Variants in MROH2B observed in about 807,000 individuals in gnomAD.
MROH2B encodes maestro heat-like repeat-containing protein family member 2B.
MROH2B carries 177 observed loss-of-function variants against 208.6 expected under a neutral mutation model. The observed-to-expected ratio is 0.85, with a 90% CI of 0.75 to 0.96. MROH2B has a LOEUF of 0.96. MROH2B is among the 40% of genes least tolerant of loss of function. The pLI is 0.00. For missense variants in MROH2B, 2,002 were observed against 1,878.7 expected (o/e 1.07, Z -1.21); for synonymous variants, 728 against 659.0 (o/e 1.10, Z -1.60).
chr5:40,998,764 G>T, intron 40 of MROH2B, 87 bp from the exon 41 acceptor site: 1 of 1,094,926 alleles, frequency 9.1e-7, no homozygotes, highest in South Asian at 1.4e-5. Flanking sequence ...TGCACCTGGT[G>T]AGAAGGTAAA....
At chr5:41,062,305 A>C (rs1050735305) in intron 5 of MROH2B, among the ~76,000 whole-genome samples, 7 of 152,334 alleles carry the variant, frequency 4.6e-5, no homozygotes, top group African/African-American at 1.7e-4. Flanking sequence ...ACATGGATGA[A>C]TCTTACAAAC....
rs894351066 is a variant in MROH2B, at chr5:41,004,185, A to T, written c.4194+161T>A. Reference sequence around the variant, plus strand: ...AGAGCACCCTCAGGCAGAGAGATACAGGAAGCCAACAGCTTGTATAGAGAT... The same window carrying T: ...AGAGCACCCTCAGGCAGAGAGATACTGGAAGCCAACAGCTTGTATAGAGAT... On this transcript the variant is annotated intron_variant, in intron 37 of 41. Transcript: ENST00000399564. 6.6e-5 allele frequency among the ~76,000 whole-genome samples: 10 copies of T among 152,350 alleles called. No homozygotes were observed. In the Middle Eastern group the frequency reaches 0.024, roughly 363 times the overall value.
At chr5:41,000,089 G>T in intron 39 of MROH2B, 131 bp downstream of exon 39, 1 of 1,218,766 alleles carries the variant, frequency 8.2e-7, no homozygotes, top group Admixed American at 2.3e-5. Context: ...GTGAAATCAG[G>T]ATATCACTGC....
Position 41,067,013 on chromosome 5 carries a change from T to C in MROH2B, c.201+95A>G, listed in dbSNP as rs909852318. 3.1e-5 allele frequency: 22 copies of C among 712,514 alleles called. 1 individual carries two copies. The highest frequency in any genetic ancestry group is 1.1e-4 in the Admixed American group (5 of 45,904). 44.1% of individuals were successfully genotyped at this position (712,514 alleles called of 1,614,324 possible). A position where few individuals can be genotyped will look rare whatever the true frequency, so the allele number is the denominator to read the frequency against. Reference sequence around the variant, plus strand: ...ACAAAGAACAAATACAAGTGATTTGTGGTCCTGGCAACAGTGTAGAAGAGC... The same window carrying C: ...ACAAAGAACAAATACAAGTGATTTGCGGTCCTGGCAACAGTGTAGAAGAGC... On this transcript the variant is annotated intron_variant, in intron 3 of 41. Coordinates refer to ENST00000399564, the MANE Select transcript of MROH2B (RefSeq NM_173489.5).
chr5:41,030,115 G>A lies in MROH2B; in HGVS notation c.2441+2627C>T, dbSNP rs139244015. ...AAAAAAAATATTATAATTAAACAAC[G>A]AAACACCAAACAACTTGATTTTAAA... On this transcript the variant is annotated intron_variant, in intron 24 of 41. Transcript: ENST00000399564. Among the ~76,000 whole-genome samples, 625 of 151,548 alleles carry A rather than the reference G, an allele frequency of 4.1e-3. 7 individuals carry two copies. The highest frequency in any genetic ancestry group is 0.014 in the African/African-American group (563 of 41,384).
chr5:41,004,801 G>A lies in MROH2B; in HGVS notation c.3984C>T (p.Gly1328=), dbSNP rs772582708. ...TLRQMAIRGL[G]NTASGAPHKV... is the part of the protein sequence containing the mutation. Reference sequence around the variant, plus strand: ...TGTGAGGAGCCCCGGATGCTGTGTTGCCGAGCCCTCGGATGGCCATCTGCC... The same window carrying A: ...TGTGAGGAGCCCCGGATGCTGTGTTACCGAGCCCTCGGATGGCCATCTGCC... Residue 1328 remains glycine (G), a synonymous_variant, in exon 36 of 42, where the codon GGC becomes GGT. Coordinates refer to ENST00000399564, the MANE Select transcript of MROH2B (RefSeq NM_173489.5). 4 of 1,613,942 alleles carry A rather than the reference G, an allele frequency of 2.5e-6. No individual in the cohort carries two copies. In the South Asian group the frequency reaches 3.3e-5, roughly 13 times the overall value.
chr5:41,002,053 A>T (rs1470869705), intron 37 of MROH2B, among the ~76,000 whole-genome samples: 3 of 152,314 alleles, frequency 2.0e-5, no homozygotes, highest in African/African-American at 7.2e-5. Flanking sequence ...AAGTAGAAAC[A>T]CATTTTTTAG....
rs536482565 is a variant in MROH2B at position 41,069,236 on chromosome 5, C to T, written c.90+455G>A. ...GCATTTTACTTCCCAGATAAGTGTT[C>T]GATGAAGGGCAGTTATTTCTTTTAT... On this transcript the variant is annotated intron_variant, in intron 2 of 41. Transcript: ENST00000399564. 8.5e-5 allele frequency among the ~76,000 whole-genome samples: 13 copies of T among 152,126 alleles called. No individual in the cohort carries two copies. The South Asian group carries it at 1.5e-3, about 17-fold the overall frequency.
chr5:41,039,214 T>G (rs1236879274), intron 20 of MROH2B, among the ~76,000 whole-genome samples: 1 of 152,080 alleles, frequency 6.6e-6, no homozygotes, highest in Non-Finnish European at 1.5e-5. Context: ...GGGACAAACT[T>G]AGGCACATGC....
At chr5:41,065,817 T>TA (rs1333831577) in intron 3 of MROH2B, among the ~76,000 whole-genome samples, 1 of 152,146 alleles carries the variant, frequency 6.6e-6, no homozygotes, top group East Asian at 1.9e-4. Flanking sequence ...AACTGACACC[T>TA]ACCAAGAATC....
intron 19 of MROH2B, among the ~76,000 whole-genome samples, chr5:41,040,101 C>T (rs773010894): frequency 6.6e-5 from 10 of 152,072 alleles, no homozygotes; most frequent in African/African-American, 1.7e-4. Context: ...CCTTTTAGGC[C>T]GTCCCCAAGA....
At chr5:41,005,938 G>A (rs1230446543) in intron 34 of MROH2B, among the ~76,000 whole-genome samples, 1 of 151,730 alleles carries the variant, frequency 6.6e-6, no homozygotes, top group African/African-American at 2.4e-5. Flanking sequence ...GGCTGAGGCA[G>A]GAGAATTGTT....
intron 24 of MROH2B, among the ~76,000 whole-genome samples, 200 bp downstream of exon 24, chr5:41,032,542 T>C (rs998729251): frequency 2.0e-5 from 3 of 152,050 alleles, no homozygotes; most frequent in African/African-American, 7.2e-5. Context: ...TCAGTCTCTG[T>C]CAGTCATCAA....
At chr5:41,028,954 C>T (rs916888125) in intron 24 of MROH2B, among the ~76,000 whole-genome samples, 1 of 151,954 alleles carries the variant, frequency 6.6e-6, no homozygotes, top group Non-Finnish European at 1.5e-5. Flanking sequence ...GATATCTTTA[C>T]GAGGTGGTAA....
intron 30 of MROH2B, 58 bp downstream of exon 30, chr5:41,012,522 GACT>G: frequency 6.5e-7 from 1 of 1,547,132 alleles, no homozygotes; most frequent in South Asian, 1.2e-5. Flanking sequence ...GAAAGTGGCT[GACT>G]TGGCATTTCA....
At chr5:41,049,638 C>A (rs994136219) in intron 13 of MROH2B, among the ~76,000 whole-genome samples, 1 of 152,122 alleles carries the variant, frequency 6.6e-6, no homozygotes, top group Non-Finnish European at 1.5e-5. Context: ...GAGTGTTGGT[C>A]AGTATTTCTC....
intron 37 of MROH2B, among the ~76,000 whole-genome samples, chr5:41,002,388 G>C (rs1199068971): frequency 6.6e-6 from 1 of 152,196 alleles, no homozygotes; most frequent in Non-Finnish European, 1.5e-5. Flanking sequence ...GGGAATAGTA[G>C]CAAGAAGGGA....
rs746219390 is a variant in MROH2B at position 41,057,257 on chromosome 5, G to T, written c.849+11C>A. The T allele has an allele frequency of 6.2e-7, 1 of 1,605,896 alleles. No homozygotes were observed. The highest frequency in any genetic ancestry group is 1.3e-5 in the African/African-American group (1 of 74,764). ...AATTAAAAATTGGAGTTGACAGCAT[G>T]GTCTTCTTACCTGCTGGAGTAAATT... On this transcript the variant is annotated intron_variant, in intron 8 of 41. Coordinates refer to ENST00000399564, the MANE Select transcript of MROH2B (RefSeq NM_173489.5).
At chr5:41,037,421 C>A (rs1742801127) in intron 21 of MROH2B, among the ~76,000 whole-genome samples, 2 of 152,130 alleles carry the variant, frequency 1.3e-5, no homozygotes, top group Non-Finnish European at 2.9e-5. Context: ...GTTGAAAATG[C>A]AAATTCAGTG....
Sources: allele counts gnomAD v4.1 joint callset (sites outside exome capture counted in the v4.1 genomes callset), GRCh38; gene constraint gnomAD v4.1.1; transcripts MANE v1.5; gene names NCBI Gene and HGNC (gene_info 2026-07-23, HGNC 2026-07-21).